DOCK1: variants seen among roughly 807,000 people sequenced by gnomAD.
DOCK1 encodes dedicator of cytokinesis 1, also known as dedicator of cytokinesis protein 1.
In DOCK1, 138 loss-of-function variants were observed where a neutral mutation model predicts 262.7. That is an observed-to-expected ratio of 0.53 (90% confidence interval 0.46 to 0.61). DOCK1 has a LOEUF of 0.61. Among genes scored for constraint, DOCK1 ranks in the 20% least tolerant of loss-of-function variants. The probability of loss-of-function intolerance (pLI) is 0.00; values close to 1 mark genes in which losing one functional copy is unlikely to be tolerated. For synonymous variants in DOCK1, 866 were observed against 867.4 expected, an observed-to-expected ratio of 1.00 and a Z score of 0.03; for missense variants, 1,908 against 2,370.7, an observed-to-expected ratio of 0.80 and a Z score of 4.05.
chr10:127,288,149 G>A (rs1229319722), intron 29 of DOCK1, among the ~76,000 whole-genome samples: 2 of 152,118 alleles, frequency 1.3e-5, no homozygotes, highest in East Asian at 3.9e-4. Flanking sequence ...ATTTTCATGT[G>A]TCTAAGTCCG....
chr10:127,231,522 C>A lies in DOCK1; in HGVS notation c.2848-16486C>A, dbSNP rs1364944635. Among the ~76,000 whole-genome samples, 5 of 152,096 alleles carry A rather than the reference C, an allele frequency of 3.3e-5. No homozygotes were observed. The South Asian group carries it at 1.0e-3, about 32-fold the overall frequency. ...GCAGCCTCCACTTCCTAGGCTCAAG[C>A]AATTCTTCTTCCTCAGCCTCCCCAG... On this transcript the variant is annotated intron_variant, in intron 27 of 51. Transcript: ENST00000623213.
chr10:126,996,244 G>A (rs563619500), intron 6 of DOCK1, among the ~76,000 whole-genome samples: 3 of 151,846 alleles, frequency 2.0e-5, no homozygotes, highest in Non-Finnish European at 4.4e-5. Flanking sequence ...GCCGGGTGTG[G>A]TGGCACACAC....
intron 1 of DOCK1, among the ~76,000 whole-genome samples, chr10:126,956,742 A>G (rs1240269569): frequency 6.6e-6 from 1 of 152,184 alleles, no homozygotes; most frequent in African/African-American, 2.4e-5. Context: ...ACTGAGCTTC[A>G]CAGAGTTTGT....
At chr10:127,016,204 G>A (rs551493514) in intron 12 of DOCK1, 2 of 152,338 alleles carry the variant, frequency 1.3e-5, no homozygotes, top group East Asian at 3.9e-4. Context: ...GCAGTGCCCA[G>A]TATTTGCCTG....
chr10:127,112,729 A>T (rs1156745875), intron 25 of DOCK1, among the ~76,000 whole-genome samples: 1 of 152,220 alleles, frequency 6.6e-6, no homozygotes, highest in East Asian at 1.9e-4. Context: ...ATTAGCCCGA[A>T]GCTTCGTGTC....
intron 1 of DOCK1, among the ~76,000 whole-genome samples, chr10:126,923,700 G>A (rs552676294): frequency 7.2e-4 from 109 of 152,336 alleles, no homozygotes; most frequent in Non-Finnish European, 1.2e-3. Flanking sequence ...GCCATTCTCG[G>A]CATCTCTCTC....
Position 127,162,434 on chromosome 10 carries a change from C to T in DOCK1, c.2847+34670C>T, listed in dbSNP as rs548165367. ...CATATAGATTAAAGGATTTTGAGGG[C>T]TACCCTGGCAACCTCAACACAAATT... is the stretch of plus-strand genomic sequence containing the variant. On this transcript the variant is annotated intron_variant, in intron 27 of 51. Coordinates refer to ENST00000623213, the MANE Select transcript of DOCK1 (RefSeq NM_001290223.2). 3.9e-5 allele frequency among the ~76,000 whole-genome samples: 6 copies of T among 152,284 alleles called. No individual in the cohort carries two copies. The South Asian group carries it at 1.0e-3, about 26-fold the overall frequency.
intron 25 of DOCK1, among the ~76,000 whole-genome samples, chr10:127,122,840 A>G (rs2049695025): frequency 1.3e-5 from 2 of 152,172 alleles, no homozygotes; most frequent in Admixed American, 1.3e-4. Flanking sequence ...TCCTCCAGCC[A>G]AAGATGAACA....
intron 29 of DOCK1, among the ~76,000 whole-genome samples, chr10:127,304,672 C>T (rs1233394973): frequency 6.6e-6 from 1 of 152,048 alleles, no homozygotes; most frequent in Admixed American, 6.6e-5. Context: ...CTTGCTTGAG[C>T]CCAGGTGTTT....
intron 27 of DOCK1, among the ~76,000 whole-genome samples, chr10:127,226,720 G>A (rs999994915): frequency 2.6e-5 from 4 of 152,032 alleles, no homozygotes; most frequent in African/African-American, 7.2e-5. Flanking sequence ...TTCCAGCCTC[G>A]GTGACAGGGG....
At chr10:127,202,593 C>A (rs921867494) in intron 27 of DOCK1, among the ~76,000 whole-genome samples, 25 of 152,290 alleles carry the variant, frequency 1.6e-4, no homozygotes, top group Admixed American at 5.9e-4. Flanking sequence ...AAGGGGAAGG[C>A]AAGGAACATG....
intron 37 of DOCK1, among the ~76,000 whole-genome samples, chr10:127,383,124 ATTGT>A (rs2065911363): frequency 6.6e-6 from 1 of 152,240 alleles, no homozygotes; most frequent in African/African-American, 2.4e-5. Context: ...CAGATATATT[ATTGT>A]TTATTAACTG....
chr10:127,175,899 C>A lies in DOCK1; in HGVS notation c.2847+48135C>A. On this transcript the variant is annotated intron_variant, in intron 27 of 51. Coordinates refer to ENST00000623213, the MANE Select transcript of DOCK1 (RefSeq NM_001290223.2). The surrounding 1 kb of genome is among the most constrained non-coding windows in gnomAD (Gnocchi z 6.3). Reference sequence around the variant, plus strand: ...AACCAAGGCTGTGGTCTTGTGCACCCGCCCCGCGCCACATGGCCGGGCCTC... The same window carrying A: ...AACCAAGGCTGTGGTCTTGTGCACCAGCCCCGCGCCACATGGCCGGGCCTC... The A allele has an allele frequency of 6.2e-7, 1 of 1,614,192 alleles. No homozygotes were observed. The highest frequency in any genetic ancestry group is 8.5e-7 in the Non-Finnish European group (1 of 1,180,044).
At chr10:127,170,533 T>C (rs2054471865) in intron 27 of DOCK1, among the ~76,000 whole-genome samples, 1 of 152,188 alleles carries the variant, frequency 6.6e-6, no homozygotes, top group South Asian at 2.1e-4. Flanking sequence ...AATGGACACT[T>C]CAAGAGACTA....
chr10:127,093,221 T>G (rs2047665325), intron 23 of DOCK1, among the ~76,000 whole-genome samples: 1 of 125,684 alleles, frequency 8.0e-6, no homozygotes, highest in South Asian at 2.5e-4. Flanking sequence ...TTTCTTTCTT[T>G]TCTTTCTTTC....
At chr10:127,287,172 G>T (rs1055385624) in intron 29 of DOCK1, among the ~76,000 whole-genome samples, 3 of 151,292 alleles carry the variant, frequency 2.0e-5, no homozygotes, top group Non-Finnish European at 4.4e-5. Context: ...CTCCCAAAGT[G>T]CTGGGATTAC....
intron 38 of DOCK1, among the ~76,000 whole-genome samples, chr10:127,388,286 G>A (rs149055836): frequency 5.1e-4 from 78 of 152,280 alleles, no homozygotes; most frequent in East Asian, 2.5e-3. Context: ...GATTTTCTTC[G>A]TAGTAGCTGC....
At chr10:127,292,578 A>G (rs1429959643) in intron 29 of DOCK1, among the ~76,000 whole-genome samples, 1 of 152,108 alleles carries the variant, frequency 6.6e-6, no homozygotes, top group Non-Finnish European at 1.5e-5. Flanking sequence ...TGAAGAAAAG[A>G]CAGTTGGTAA....
chr10:127,303,567 C>A lies in DOCK1; in HGVS notation c.3045-35439C>A, dbSNP rs11017202. On this transcript the variant is annotated intron_variant, in intron 29 of 51. Transcript: ENST00000623213. ...GTTGGCCAGGCATGGGTGGCTCACACCTGTAATCCCAACACTTTGGGAGGC... is the reference window on the plus strand; with the variant it reads ...GTTGGCCAGGCATGGGTGGCTCACAACTGTAATCCCAACACTTTGGGAGGC... Among the ~76,000 whole-genome samples the A allele has an allele frequency of 3.4e-5, 4 of 116,578 alleles. No individual in the cohort carries two copies. The South Asian group carries it at 9.4e-4, about 27-fold the overall frequency. 76.5% of individuals were successfully genotyped at this position (116,578 alleles called of 152,430 possible).
Sources: gnomAD v4.1 joint callset for allele counts (sites outside exome capture counted in the v4.1 genomes callset) on GRCh38, gnomAD v4.1.1 for gene constraint, Gnocchi (gnomAD v3.1) non-coding constraint, MANE v1.5 for transcripts, NCBI Gene and HGNC (gene_info 2026-07-23, HGNC 2026-07-21) for gene names.